The following PTPRM variants were observed in gnomAD, a reference collection of about 807,000 sequenced individuals.
PTPRM encodes the protein receptor-type tyrosine-protein phosphatase mu.
A neutral mutation model predicts 186.7 loss-of-function variants in PTPRM; 47 were observed. The observed-to-expected ratio is 0.25, with a 90% CI of 0.20 to 0.32. PTPRM has a LOEUF of 0.32. Among genes scored for constraint, PTPRM ranks in the 10% least tolerant of loss-of-function variants. The pLI is 1.00. For synonymous variants in PTPRM, 668 were observed against 674.9 expected (o/e 0.99, Z 0.16); for missense variants, 1,494 against 1,865.0 (o/e 0.80, Z 3.66).
chr18:8,317,537 A>G (rs1271768793), intron 21 of PTPRM, among the ~76,000 whole-genome samples: 1 of 152,148 alleles, frequency 6.6e-6, no homozygotes, highest in East Asian at 1.9e-4. Context: ...ATGGGGCTGG[A>G]GGAGCTCACT....
chr18:8,172,633 C>T (rs979103525), intron 14 of PTPRM, among the ~76,000 whole-genome samples: 2 of 151,198 alleles, frequency 1.3e-5, no homozygotes, highest in African/African-American at 2.4e-5. Context: ...GGCCAGCTGC[C>T]GACATTTCTT....
Position 8,343,516 on chromosome 18 carries a change from G to A in PTPRM, c.3050G>A (p.Gly1017Glu). ...ATGGTGACCAATCTTGTGGAAGTGGGAAGGGTGAGTGGACCGTCTGCTGCA... is the reference window on the plus strand; with the variant it reads ...ATGGTGACCAATCTTGTGGAAGTGGAAAGGGTGAGTGGACCGTCTGCTGCA... ...IIMVTNLVEV[G>E]RVKCCKYWPD... Residue 1017 changes from glycine (G) to glutamate (E), a missense_variant, in exon 23 of 33, where the codon GGA (glycine) becomes GAA (glutamate). This residue lies in a region of PTPRM where 1,107 missense variants were observed against 1,350.2 expected (regional missense o/e 0.82). Transcript: ENST00000580170. 1 of 1,613,858 alleles carries A rather than the reference G, an allele frequency of 6.2e-7. No homozygotes were observed. Among genetic ancestry groups the A allele is most frequent in the Non-Finnish European group, 8.5e-7 (1 of 1,179,866 alleles).
chr18:8,343,659 T>C lies in PTPRM; in HGVS notation c.3054+139T>C, dbSNP rs2095487565. On this transcript the variant is annotated intron_variant, in intron 23 of 32. Coordinates refer to ENST00000580170, the MANE Select transcript of PTPRM (RefSeq NM_001105244.2). ...TACTCCAGCTCCTCCTATTGCTTGC[T>C]GCACTTGCTTATAAATTATCAGTAA... 5 of 635,292 alleles carry C rather than the reference T, an allele frequency of 7.9e-6. No homozygotes were observed. The Admixed American group carries it at 1.7e-4, about 22-fold the overall frequency. The allele number at this position is 635,292 out of a possible 1,614,324, so 39.4% of individuals were successfully genotyped here. A position where few individuals can be genotyped will look rare whatever the true frequency, so the allele number is the denominator to read the frequency against.
At chr18:8,335,329 G>A (rs555845203) in intron 22 of PTPRM, among the ~76,000 whole-genome samples, 9 of 150,738 alleles carry the variant, frequency 6.0e-5, no homozygotes, top group South Asian at 4.2e-4. Context: ...CTGCTACTGC[G>A]TCGCCAGTCA....
At chr18:7,811,036 G>A (rs2044485027) in intron 2 of PTPRM, among the ~76,000 whole-genome samples, 1 of 152,080 alleles carries the variant, frequency 6.6e-6, no homozygotes, top group Non-Finnish European at 1.5e-5. Context: ...CCAATATTGG[G>A]CCAGTGGCCA....
intron 3 of PTPRM, among the ~76,000 whole-genome samples, chr18:7,894,215 T>C (rs1412234502): frequency 2.0e-5 from 3 of 152,118 alleles, no homozygotes; most frequent in African/African-American, 7.2e-5. Flanking sequence ...ATAGATTTCT[T>C]TATAAGGAGT....
At chr18:7,912,434 T>A (rs1179446915) in intron 4 of PTPRM, among the ~76,000 whole-genome samples, 1 of 152,214 alleles carries the variant, frequency 6.6e-6, no homozygotes, top group African/African-American at 2.4e-5. Flanking sequence ...AACTTTTTAG[T>A]AAATTTTGAA....
At chr18:7,627,376 C>G (rs964653073) in intron 1 of PTPRM, among the ~76,000 whole-genome samples, 1 of 152,208 alleles carries the variant, frequency 6.6e-6, no homozygotes, top group African/African-American at 2.4e-5. Flanking sequence ...TCCTCTCTGT[C>G]CTGAGGCATA....
intron 20 of PTPRM, among the ~76,000 whole-genome samples, chr18:8,313,532 A>C (rs2095285200): frequency 6.6e-6 from 1 of 152,066 alleles, no homozygotes; most frequent in Non-Finnish European, 1.5e-5. Flanking sequence ...TGATCAGTGC[A>C]GGAAAATTCT....
intron 19 of PTPRM, among the ~76,000 whole-genome samples, chr18:8,272,797 C>T (rs1339217863): frequency 6.6e-6 from 1 of 151,962 alleles, no homozygotes; most frequent in Admixed American, 6.6e-5. Flanking sequence ...AGCTTTTGTT[C>T]ACATTTTCTG....
rs551897338 is a variant in PTPRM, at chr18:7,863,502, A to T, written c.197-24604A>T. On this transcript the variant is annotated intron_variant, in intron 2 of 32. Coordinates refer to ENST00000580170, the MANE Select transcript of PTPRM (RefSeq NM_001105244.2). ...GCTGAGAATGATGGTTTCCAGCTTC[A>T]TCCATGTCCCTGCAAAGGACATGAA... Among the ~76,000 whole-genome samples, 147 of 152,242 alleles carry T rather than the reference A, an allele frequency of 9.7e-4. 1 individual carries two copies. The highest frequency in any genetic ancestry group is 3.4e-3 in the Middle Eastern group (1 of 294).
intron 14 of PTPRM, among the ~76,000 whole-genome samples, chr18:8,232,673 T>C (rs1024963807): frequency 6.6e-6 from 1 of 151,832 alleles, no homozygotes. Flanking sequence ...AGAGATGGGG[T>C]TTCACCATGT....
chr18:8,368,588 C>T (rs2095646253), intron 23 of PTPRM, among the ~76,000 whole-genome samples: 1 of 152,162 alleles, frequency 6.6e-6, no homozygotes, highest in Non-Finnish European at 1.5e-5. Context: ...GGTAATGAGG[C>T]TTCCCTGGAA....
At chr18:8,240,860 AAAT>A in intron 14 of PTPRM, among the ~76,000 whole-genome samples, 1 of 150,698 alleles carries the variant, frequency 6.6e-6, no homozygotes. Context: ...AGAAAGAAAG[AAAT>A]TGAAAGTTTG....
At chr18:7,884,680 T>C (rs1255294134) in intron 2 of PTPRM, among the ~76,000 whole-genome samples, 2 of 151,938 alleles carry the variant, frequency 1.3e-5, no homozygotes, top group Non-Finnish European at 2.9e-5. Flanking sequence ...CCCAGCACTT[T>C]GGGAGGCCGA....
At chr18:7,949,459 T>A (rs2052787282) in intron 6 of PTPRM, 104 bp downstream of exon 6, 1 of 973,276 alleles carries the variant, frequency 1.0e-6, no homozygotes, top group African/African-American at 1.6e-5. Context: ...TGTCTGTTTC[T>A]GAGCAGTGGT....
intron 8 of PTPRM, among the ~76,000 whole-genome samples, chr18:8,072,082 C>T (rs1308031229): frequency 6.6e-6 from 1 of 152,086 alleles, no homozygotes; most frequent in Non-Finnish European, 1.5e-5. Context: ...TTGTAAACTA[C>T]TTGACAAGAA....
intron 19 of PTPRM, among the ~76,000 whole-genome samples, chr18:8,256,598 G>A (rs537919563): frequency 2.0e-5 from 3 of 152,262 alleles, no homozygotes; most frequent in African/African-American, 4.8e-5. Flanking sequence ...CATCTCTTGC[G>A]CATAGCAGTC....
At chr18:8,286,197 C>T (rs2094955314) in intron 19 of PTPRM, among the ~76,000 whole-genome samples, 1 of 152,212 alleles carries the variant, frequency 6.6e-6, no homozygotes, top group Non-Finnish European at 1.5e-5. Context: ...TAGGGATTCT[C>T]ATTTGCTCCT....
Sources: gnomAD v4.1 joint callset for allele counts (sites outside exome capture counted in the v4.1 genomes callset) on GRCh38, gnomAD v4.1.1 for gene constraint, gnomAD v4.1.1 regional missense constraint, MANE v1.5 for transcripts, NCBI Gene and HGNC (gene_info 2026-07-23, HGNC 2026-07-21) for gene names.